The following ELP4 variants were observed in gnomAD, a reference collection of about 807,000 sequenced individuals.
ELP4 encodes the protein elongator acetyltransferase complex subunit 4.
Under a neutral mutation model 48.9 loss-of-function variants are expected in ELP4, and 51 were observed. The observed-to-expected ratio is 1.04, with a 90% CI of 0.83 to 1.32. ELP4 has a LOEUF of 1.32. Ranked by LOEUF, ELP4 falls within the 40% of genes most tolerant of loss-of-function variation. The pLI, the probability that ELP4 is intolerant of heterozygous loss-of-function variation, is 0.00. For missense variants in ELP4, 519 were observed against 514.6 expected, an observed-to-expected ratio of 1.01 and a Z score of -0.08; for synonymous variants, 210 against 189.2, an observed-to-expected ratio of 1.11 and a Z score of -0.90.
At chr11:31,745,383 A>G (rs1297153700) in intron 9 of ELP4, among the ~76,000 whole-genome samples, 1 of 152,228 alleles carries the variant, frequency 6.6e-6, no homozygotes, top group Non-Finnish European at 1.5e-5. Context: ...AGAATTGGAA[A>G]AAACTACTTT....
At chr11:31,714,619 C>T (rs1190109889) in intron 9 of ELP4, 5 of 398,358 alleles carry the variant, frequency 1.3e-5, no homozygotes, top group South Asian at 1.3e-4. Flanking sequence ...TATTTTCCTA[C>T]GGTTCTGGCA....
chr11:31,695,816 A>T (rs1946392041), intron 9 of ELP4, among the ~76,000 whole-genome samples: 1 of 115,436 alleles, frequency 8.7e-6, no homozygotes, highest in Non-Finnish European at 1.8e-5. Flanking sequence ...TTTGGTTGGT[A>T]AGCTATTGAT....
chr11:31,690,891 T>C (rs1377228797), intron 9 of ELP4, among the ~76,000 whole-genome samples: 3 of 149,114 alleles, frequency 2.0e-5, no homozygotes, highest in Non-Finnish European at 4.5e-5. Context: ...CTCTTTGCAC[T>C]ACTTCTTAAT....
chr11:31,705,083 G>A (rs138194522), intron 9 of ELP4, among the ~76,000 whole-genome samples: 96 of 151,906 alleles, frequency 6.3e-4, no homozygotes, highest in Middle Eastern at 3.4e-3. Context: ...ATATGTCTTA[G>A]TCCATTTTTG....
At position 31,546,955 on chromosome 11, in the gene ELP4, G is replaced by A. The variant is rs376898409; in HGVS notation, c.381+7172G>A. On this transcript the variant is annotated intron_variant, in intron 3 of 9. Transcript: ENST00000640961. ...AAACCAACGAGAACAAAGACACAAC[G>A]TACCAGAATCTCTGGGACACATTCA... Among the ~76,000 whole-genome samples, 1,146 of 152,018 alleles carry A rather than the reference G, an allele frequency of 7.5e-3. 10 individuals carry two copies. The highest frequency in any genetic ancestry group is 0.024 in the African/African-American group (993 of 41,478).
At chr11:31,588,793 G>A (rs923790437) in intron 3 of ELP4, among the ~76,000 whole-genome samples, 2 of 152,102 alleles carry the variant, frequency 1.3e-5, no homozygotes, top group Non-Finnish European at 2.9e-5. Context: ...GACCAGCCTG[G>A]CCAACATGGT....
intron 9 of ELP4, among the ~76,000 whole-genome samples, chr11:31,661,045 C>G (rs1032177263): frequency 1.3e-5 from 2 of 151,802 alleles, no homozygotes; most frequent in African/African-American, 4.8e-5. Flanking sequence ...TTTTTAATCT[C>G]GAAGAAATTT....
chr11:31,708,804 G>C (rs1409256257), intron 9 of ELP4, among the ~76,000 whole-genome samples: 1 of 152,168 alleles, frequency 6.6e-6, no homozygotes, highest in African/African-American at 2.4e-5. Context: ...ATATTTTTAA[G>C]CTGCTCCTTT....
chr11:31,520,373 AT>A (rs1246382428), intron 2 of ELP4, among the ~76,000 whole-genome samples: 1 of 152,114 alleles, frequency 6.6e-6, no homozygotes, highest in Non-Finnish European at 1.5e-5. Context: ...ATGTGAATTG[AT>A]TTTTTTGGAG....
chr11:31,542,662 GT>G (rs200698673), intron 3 of ELP4, among the ~76,000 whole-genome samples: 1 of 152,128 alleles, frequency 6.6e-6, no homozygotes, highest in African/African-American at 2.4e-5. Flanking sequence ...GTAACCAACT[GT>G]TTTCAAGTAC....
At chr11:31,534,128 A>G (rs1006313254) in intron 2 of ELP4, among the ~76,000 whole-genome samples, 3 of 152,068 alleles carry the variant, frequency 2.0e-5, no homozygotes, top group Non-Finnish European at 2.9e-5. Context: ...GAGCCACGGT[A>G]CCCGGCCAGT....
chr11:31,590,011 C>T (rs1177147240), intron 3 of ELP4, among the ~76,000 whole-genome samples: 1 of 152,194 alleles, frequency 6.6e-6, no homozygotes, highest in Non-Finnish European at 1.5e-5. Flanking sequence ...AGACTACCAA[C>T]TGGCTTCAGA....
chr11:31,574,649 CACTGG>C (rs1354274195), intron 3 of ELP4, among the ~76,000 whole-genome samples: 1 of 152,184 alleles, frequency 6.6e-6, no homozygotes, highest in Non-Finnish European at 1.5e-5. Flanking sequence ...CTACAGCCTC[CACTGG>C]TGATACTCAG....
chr11:31,594,811 A>ATTTTTTTTTT lies in ELP4; in HGVS notation c.426_427insTTTTTTTTTT (p.Asp143PhefsTer4). 1 of 1,535,860 alleles carries ATTTTTTTTTT rather than the reference A, an allele frequency of 6.5e-7. No individual in the cohort carries two copies. The highest frequency in any genetic ancestry group is 8.7e-7 in the Non-Finnish European group (1 of 1,148,906). ...TACTTGATGATAAATGTAAAAAGGA[A>ATTTTTTTTTT]TTTGATGAAGATGTATACAATCATA... is the stretch of plus-strand genomic sequence containing the variant. On this transcript the variant is annotated frameshift_variant, in exon 4 of 10. Transcript: ENST00000640961. LOFTEE classifies it high-confidence loss of function.
chr11:31,770,101 A>G (rs1243775904), intron 9 of ELP4, among the ~76,000 whole-genome samples: 3 of 152,140 alleles, frequency 2.0e-5, no homozygotes, highest in Non-Finnish European at 4.4e-5. Flanking sequence ...CTAGATCTGA[A>G]GCATCTCTCA....
intron 3 of ELP4, among the ~76,000 whole-genome samples, chr11:31,566,070 G>T (rs1000319040): frequency 1.5e-4 from 23 of 152,068 alleles, no homozygotes; most frequent in African/African-American, 5.5e-4. Context: ...GGTGGCTCAT[G>T]CTTACAACTT....
At chr11:31,630,210 G>A (rs964665405) in intron 6 of ELP4, among the ~76,000 whole-genome samples, 1 of 130,322 alleles carries the variant, frequency 7.7e-6, no homozygotes, top group African/African-American at 2.9e-5. Flanking sequence ...TTTTTCTAAT[G>A]TGCTTATTCT....
intron 9 of ELP4, among the ~76,000 whole-genome samples, chr11:31,748,213 G>A (rs1947639534): frequency 6.6e-6 from 1 of 151,408 alleles, no homozygotes. Flanking sequence ...CATTTAAACA[G>A]GTTGCTCTAA....
rs148076836 is a variant in ELP4, at chr11:31,731,567, G to GGTGTGTGTGTGTGTGTGTGTGTGT, written c.1144-51815_1144-51792dup. Among the ~76,000 whole-genome samples, 648 of 142,830 alleles carry GGTGTGTGTGTGTGTGTGTGTGTGT rather than the reference G, an allele frequency of 4.5e-3. 15 individuals carry two copies. Among genetic ancestry groups the GGTGTGTGTGTGTGTGTGTGTGTGT allele is most frequent in the African/African-American group, 0.016 (615 of 37,424 alleles). 93.7% of individuals were successfully genotyped at this position (142,830 alleles called of 152,430 possible). ...GGGACTTATGGTACACCATTAAGCA[G>GGTGTGTGTGTGTGTGTGTGTGTGT]GTGTGTGTGTGTGTGTGTGTGTGTG... On this transcript the variant is annotated intron_variant, in intron 9 of 9. Coordinates refer to ENST00000640961, the MANE Select transcript of ELP4 (RefSeq NM_019040.5).
Sources: allele counts gnomAD v4.1 joint callset (sites outside exome capture counted in the v4.1 genomes callset), GRCh38; gene constraint gnomAD v4.1.1; transcripts MANE v1.5; gene names NCBI Gene and HGNC (gene_info 2026-07-23, HGNC 2026-07-21).